The following HCLS1 variants were observed in gnomAD, a reference collection of about 807,000 sequenced individuals.
The protein encoded by HCLS1 is hematopoietic lineage cell-specific protein.
Under a neutral mutation model 68.6 loss-of-function variants are expected in HCLS1, and 44 were observed. The observed-to-expected ratio is 0.64, with a 90% confidence interval of 0.50 to 0.82. The LOEUF is 0.82. HCLS1 is among the 40% of genes least tolerant of loss of function. The pLI is 0.00. For synonymous variants in HCLS1, 217 were observed against 225.8 expected (o/e 0.96, Z 0.35); for missense variants, 602 against 612.1 (o/e 0.98, Z 0.17).
intron 9 of HCLS1, among the ~76,000 whole-genome samples, chr3:121,634,671 G>A (rs1163224729): frequency 6.6e-6 from 1 of 151,812 alleles, no homozygotes; most frequent in Non-Finnish European, 1.5e-5. Flanking sequence ...CAGGGTCTCA[G>A]CCCAGGCTAG....
At chr3:121,646,813 GC>G (rs1207343160) in intron 4 of HCLS1, among the ~76,000 whole-genome samples, 1 of 135,776 alleles carries the variant, frequency 7.4e-6, no homozygotes, top group Non-Finnish European at 1.5e-5. Context: ...TTATTTTATA[GC>G]CAATTATTAT....
intron 9 of HCLS1, among the ~76,000 whole-genome samples, chr3:121,635,184 TTC>T (rs1007537488): frequency 1.3e-4 from 19 of 148,322 alleles, no homozygotes; most frequent in Admixed American, 2.0e-4. Context: ...CCACTTGACT[TTC>T]TCTCTTTCTT....
At chr3:121,634,143 A>T (rs1370733164) in intron 10 of HCLS1, 64 bp downstream of exon 10, 1 of 1,602,844 alleles carries the variant, frequency 6.2e-7, no homozygotes, top group Non-Finnish European at 8.5e-7. Context: ...AATGGTTTGG[A>T]CCCCTTAGGC....
intron 4 of HCLS1, 130 bp downstream of exon 4, chr3:121,647,189 G>A (rs942911259): frequency 1.2e-6 from 1 of 866,772 alleles, no homozygotes; most frequent in Non-Finnish European, 1.8e-6. Flanking sequence ...CACCGTGTTA[G>A]CCAGGATGGT....
chr3:121,632,658 C>T (rs960645312), intron 11 of HCLS1, 95 bp from the exon 12 acceptor site: 2 of 1,040,406 alleles, frequency 1.9e-6, no homozygotes, highest in African/African-American at 3.1e-5. Flanking sequence ...CACCCTGCCT[C>T]TTCTCCCCTC....
At chr3:121,646,198 TATA>T (rs1249773025) in intron 4 of HCLS1, among the ~76,000 whole-genome samples, 3 of 110,634 alleles carry the variant, frequency 2.7e-5, no homozygotes, top group African/African-American at 1.1e-4. Context: ...TAATATTAAA[TATA>T]TTATTTATAT....
At chr3:121,639,025 GCA>G (rs368121558) in intron 6 of HCLS1, among the ~76,000 whole-genome samples, 3,439 of 136,896 alleles carry the variant, frequency 0.025, 56 homozygotes, top group African/African-American at 0.056. Flanking sequence ...ACACACACAC[GCA>G]CACACACACA....
At chr3:121,657,790 G>A (rs9844611) in intron 2 of HCLS1, among the ~76,000 whole-genome samples, 3,976 of 152,184 alleles carry the variant, frequency 0.026, 179 homozygotes, top group African/African-American at 0.09. Flanking sequence ...TTGCACCACC[G>A]TACTCCAGCC....
Position 121,658,272 on chromosome 3 carries a change from C to T in HCLS1, c.76G>A (p.Asp26Asn). 1 of 1,613,574 alleles carries T rather than the reference C, an allele frequency of 6.2e-7. No individual in the cohort carries two copies. The highest frequency in any genetic ancestry group is 8.5e-7 in the Non-Finnish European group (1 of 1,179,560). Residue 26 changes from aspartate to asparagine, a missense_variant, in exon 2 of 14, where the codon GAC becomes AAC. Transcript: ENST00000314583. ...TQGDDWDTDPDFVNDISEKEQ... is the reference protein window; with the variant it reads ...TQGDDWDTDPNFVNDISEKEQ... Reference sequence around the variant, plus strand: ...GCTACTTCCAAACTCACCACAAAGTCAGGATCTGTGTCCCAATCATCACCC... The same window carrying T: ...GCTACTTCCAAACTCACCACAAAGTTAGGATCTGTGTCCCAATCATCACCC...
chr3:121,656,380 T>C (rs1455423917), intron 3 of HCLS1: 1 of 152,212 alleles, frequency 6.6e-6, no homozygotes, highest in East Asian at 1.9e-4. Flanking sequence ...CTTGTTACAC[T>C]ATTTATTGTG....
chr3:121,641,062 C>A (rs1386655571), intron 6 of HCLS1, among the ~76,000 whole-genome samples: 1 of 151,960 alleles, frequency 6.6e-6, no homozygotes, highest in East Asian at 1.9e-4. Flanking sequence ...AGAGAAAATG[C>A]CTGAGAACTT....
At chr3:121,646,686 T>C (rs1237057921) in intron 4 of HCLS1, among the ~76,000 whole-genome samples, 1 of 117,544 alleles carries the variant, frequency 8.5e-6, no homozygotes, top group Non-Finnish European at 1.7e-5. Context: ...ATATAATATA[T>C]AAAATATAAT....
chr3:121,634,122 T>C, intron 10 of HCLS1, 85 bp downstream of exon 10: 1 of 1,584,374 alleles, frequency 6.3e-7, no homozygotes, highest in East Asian at 2.2e-5. Context: ...GACTTTGCCT[T>C]ATTTTCTGCC....
chr3:121,644,479 G>A lies in HCLS1; in HGVS notation c.399+339C>T, dbSNP rs184479854. ...CCTAAACGGCATGAGTATTTATAAG[G>A]TTTTGATGTTAAGCCAAAAGAAGAG... On this transcript the variant is annotated intron_variant, in intron 5 of 13. Coordinates refer to ENST00000314583, the MANE Select transcript of HCLS1 (RefSeq NM_005335.6). 61 of 381,280 alleles carry A rather than the reference G, an allele frequency of 1.6e-4. 1 individual carries two copies. The East Asian group carries it at 3.6e-3, about 23-fold the overall frequency. 23.6% of individuals were successfully genotyped at this position (381,280 alleles called of 1,614,324 possible). A position where few individuals can be genotyped will look rare whatever the true frequency, so the allele number is the denominator to read the frequency against.
chr3:121,645,767 A>G (rs1321960696), intron 4 of HCLS1, among the ~76,000 whole-genome samples: 2 of 151,156 alleles, frequency 1.3e-5, no homozygotes, highest in Non-Finnish European at 2.9e-5. Flanking sequence ...TCATGAACCA[A>G]TGAATGAGTC....
intron 3 of HCLS1, among the ~76,000 whole-genome samples, chr3:121,648,233 T>C (rs1937653330): frequency 6.6e-6 from 1 of 152,194 alleles, no homozygotes; most frequent in Non-Finnish European, 1.5e-5. Context: ...GTTATTGCTA[T>C]AACACTTTAA....
At chr3:121,645,952 T>C (rs980108324) in intron 4 of HCLS1, among the ~76,000 whole-genome samples, 4 of 139,238 alleles carry the variant, frequency 2.9e-5, no homozygotes, top group African/African-American at 1.1e-4. Flanking sequence ...AATTTATATA[T>C]TTACATTTAC....
intron 3 of HCLS1, among the ~76,000 whole-genome samples, chr3:121,648,908 C>T (rs1450652708): frequency 1.3e-5 from 2 of 152,050 alleles, no homozygotes; most frequent in African/African-American, 2.4e-5. Flanking sequence ...CTACTAGTAC[C>T]AAGGACATGT....
intron 6 of HCLS1, among the ~76,000 whole-genome samples, chr3:121,642,446 G>A (rs1256637483): frequency 1.3e-5 from 2 of 152,100 alleles, no homozygotes; most frequent in African/African-American, 4.8e-5. Context: ...TCTAGCCTGG[G>A]TGACAGAGCG....
Sources: gnomAD v4.1 joint callset for allele counts (sites outside exome capture counted in the v4.1 genomes callset) on GRCh38, gnomAD v4.1.1 for gene constraint, MANE v1.5 for transcripts, NCBI Gene and HGNC (gene_info 2026-07-23, HGNC 2026-07-21) for gene names.